SLC44A5: variants seen among roughly 807,000 people sequenced by gnomAD.
SLC44A5 encodes solute carrier family 44 member 5, also known as choline transporter-like protein 5.
SLC44A5 carries 57 observed loss-of-function variants against 101.8 expected under a neutral mutation model. That is an observed-to-expected ratio of 0.56 (90% CI 0.45 to 0.70). SLC44A5 has a LOEUF of 0.70. Among genes scored for constraint, SLC44A5 ranks in the 30% least tolerant of loss-of-function variants. The pLI, the probability that SLC44A5 is intolerant of heterozygous loss-of-function variation, is 0.00. For missense variants in SLC44A5, 737 were observed against 853.1 expected, an observed-to-expected ratio of 0.86 and a Z score of 1.70; for synonymous variants, 281 against 290.9, an observed-to-expected ratio of 0.97 and a Z score of 0.35.
intron 2 of SLC44A5, among the ~76,000 whole-genome samples, chr1:75,540,454 C>T (rs1047350837): frequency 6.6e-6 from 1 of 152,170 alleles, no homozygotes; most frequent in African/African-American, 2.4e-5. Flanking sequence ...GTAACATGTT[C>T]ACAAGATCAG....
intron 1 of SLC44A5, among the ~76,000 whole-genome samples, chr1:75,543,734 T>TA (rs1407525414): frequency 1.3e-5 from 2 of 150,594 alleles, no homozygotes; most frequent in Non-Finnish European, 3.0e-5. Flanking sequence ...TTAATGTTTA[T>TA]AAAATGAATT....
chr1:75,538,033 C>T (rs934412950), intron 2 of SLC44A5: 5 of 152,104 alleles, frequency 3.3e-5, no homozygotes, highest in Admixed American at 3.3e-4. Flanking sequence ...AGCAGGTTTA[C>T]AAATTTGTGA....
At chr1:75,434,678 C>T (rs1664789712) in intron 2 of SLC44A5, among the ~76,000 whole-genome samples, 1 of 152,122 alleles carries the variant, frequency 6.6e-6, no homozygotes, top group African/African-American at 2.4e-5. Context: ...ATCTCCCTCC[C>T]ACCTCACGCC....
chr1:75,218,115 A>G (rs989609128), intron 17 of SLC44A5, among the ~76,000 whole-genome samples, 155 bp from the exon 18 acceptor site: 7 of 152,144 alleles, frequency 4.6e-5, no homozygotes, highest in Non-Finnish European at 1.0e-4. Flanking sequence ...AAGTCTCTAT[A>G]GAGGATTTTA....
the SLC44A5 span, among the ~76,000 whole-genome samples, chr1:75,681,539 C>T: frequency 4.6e-5 from 7 of 151,498 alleles, no homozygotes; most frequent in East Asian, 1.4e-3. Context: ...CAGAAAAGGC[C>T]TTTGACAAAA....
intron 11 of SLC44A5, among the ~76,000 whole-genome samples, chr1:75,235,206 C>T (rs1647965023): frequency 6.6e-6 from 1 of 151,724 alleles, no homozygotes; most frequent in Non-Finnish European, 1.5e-5. Flanking sequence ...ATTCCATGGC[C>T]TAGCCCAAGG....
At chr1:75,573,157 A>C (rs1378219601) in intron 1 of SLC44A5, among the ~76,000 whole-genome samples, 1 of 144,916 alleles carries the variant, frequency 6.9e-6, no homozygotes, top group East Asian at 2.0e-4. Flanking sequence ...AAAAAAAAGG[A>C]AATAGTATAT....
chr1:75,397,607 A>G (rs1662208084), intron 2 of SLC44A5, among the ~76,000 whole-genome samples: 1 of 152,176 alleles, frequency 6.6e-6, no homozygotes, highest in Admixed American at 6.6e-5. Flanking sequence ...TGTTTCATTT[A>G]TGTTATCTCA....
the SLC44A5 span, among the ~76,000 whole-genome samples, chr1:75,659,456 GGAA>G: frequency 2.6e-3 from 74 of 28,402 alleles, 1 homozygote; most frequent in African/African-American, 6.1e-3. Context: ...AAGGAAGGAA[GGAA>G]GGAAGGAAGG....
chr1:75,337,283 T>C (rs1342773565), intron 4 of SLC44A5, among the ~76,000 whole-genome samples: 1 of 152,180 alleles, frequency 6.6e-6, no homozygotes, highest in African/African-American at 2.4e-5. Flanking sequence ...AGATGAGATG[T>C]TCTCTTCCTC....
intron 2 of SLC44A5, among the ~76,000 whole-genome samples, chr1:75,450,159 T>A (rs963139041): frequency 3.9e-5 from 6 of 152,078 alleles, no homozygotes; most frequent in African/African-American, 1.4e-4. Context: ...AATTTGCTGA[T>A]AAAAGCGAGT....
intron 3 of SLC44A5, among the ~76,000 whole-genome samples, chr1:75,374,285 C>T (rs1660422149): frequency 1.3e-5 from 2 of 152,190 alleles, no homozygotes; most frequent in Admixed American, 6.5e-5. Context: ...CCTCAGGATC[C>T]TCCACTCTTG....
At chr1:75,667,320 A>C in the SLC44A5 span, among the ~76,000 whole-genome samples, 1 of 152,340 alleles carries the variant, frequency 6.6e-6, no homozygotes, top group East Asian at 1.9e-4. Flanking sequence ...GTGAACTCCC[A>C]TTCACAATTG....
chr1:75,484,454 T>C (rs796696402), intron 2 of SLC44A5, among the ~76,000 whole-genome samples: 6 of 152,206 alleles, frequency 3.9e-5, no homozygotes, highest in South Asian at 4.1e-4. Flanking sequence ...CACACACTGA[T>C]GCAAGAGGTG....
At chr1:75,538,959 T>C (rs1419092003) in intron 2 of SLC44A5, among the ~76,000 whole-genome samples, 1 of 152,146 alleles carries the variant, frequency 6.6e-6, no homozygotes, top group African/African-American at 2.4e-5. Context: ...TCCAAGACAT[T>C]TGCTTGCCCC....
chr1:75,690,588 G>A, the SLC44A5 span, among the ~76,000 whole-genome samples: 4 of 152,170 alleles, frequency 2.6e-5, no homozygotes, highest in Non-Finnish European at 1.5e-5. Context: ...TAGGGGTTAA[G>A]ACCCTGAAAA....
the SLC44A5 span, among the ~76,000 whole-genome samples, chr1:75,624,723 T>C: frequency 2.6e-5 from 4 of 152,140 alleles, no homozygotes; most frequent in Admixed American, 6.6e-5. Context: ...TGATCACTGA[T>C]GCTGCGGGTC....
the SLC44A5 span, among the ~76,000 whole-genome samples, chr1:75,649,933 T>C: frequency 6.6e-6 from 1 of 152,198 alleles, no homozygotes; most frequent in Admixed American, 6.5e-5. Context: ...AAGTATTTAA[T>C]AAGTCTTGAT....
chr1:75,245,053 G>T (rs1301506502), intron 7 of SLC44A5, among the ~76,000 whole-genome samples: 2 of 152,058 alleles, frequency 1.3e-5, no homozygotes, highest in African/African-American at 2.4e-5. Flanking sequence ...AAGGCATTTG[G>T]TGTGGACCCT....
Sources: gnomAD v4.1 joint callset for allele counts (sites outside exome capture counted in the v4.1 genomes callset) on GRCh38, gnomAD v4.1.1 for gene constraint, MANE v1.5 for transcripts, NCBI Gene and HGNC (gene_info 2026-07-23, HGNC 2026-07-21) for gene names.